NEGR1: variants seen among roughly 807,000 people sequenced by gnomAD.
The protein encoded by NEGR1 is IgLON family member 4.
NEGR1 carries 10 observed loss-of-function variants against 40.9 expected under a neutral mutation model. That is an observed-to-expected ratio of 0.24 (90% CI 0.15 to 0.42). The LOEUF is 0.42. NEGR1 is among the 10% of genes least tolerant of loss of function. NEGR1 has a pLI of 1.00. For missense variants in NEGR1, 352 were observed against 438.9 expected (o/e 0.80, Z 1.77); for synonymous variants, 185 against 166.8 (o/e 1.11, Z -0.84).
intron 2 of NEGR1, among the ~76,000 whole-genome samples, chr1:71,799,725 T>C (rs1657484976): frequency 6.6e-6 from 1 of 152,060 alleles, no homozygotes; most frequent in Admixed American, 6.6e-5. Context: ...TGACTTTTTT[T>C]TTTTTGAGAT....
chr1:72,114,134 G>A (rs772730802), intron 1 of NEGR1, among the ~76,000 whole-genome samples: 1 of 151,612 alleles, frequency 6.6e-6, no homozygotes, highest in Non-Finnish European at 1.5e-5. Flanking sequence ...TGTATATTTG[G>A]TCAAACGTGA....
At chr1:72,233,786 T>G (rs1654459235) in intron 1 of NEGR1, among the ~76,000 whole-genome samples, 1 of 152,070 alleles carries the variant, frequency 6.6e-6, no homozygotes, top group African/African-American at 2.4e-5. Context: ...GTAGAATGAT[T>G]TAGTTCCCTT....
At chr1:71,840,594 T>C (rs1659202992) in intron 2 of NEGR1, among the ~76,000 whole-genome samples, 1 of 152,178 alleles carries the variant, frequency 6.6e-6, no homozygotes, top group Non-Finnish European at 1.5e-5. Context: ...TTCACTCTAC[T>C]ATATAAAAGT....
chr1:71,784,987 T>C (rs1656859190), intron 2 of NEGR1, among the ~76,000 whole-genome samples: 1 of 152,204 alleles, frequency 6.6e-6, no homozygotes, highest in Admixed American at 6.5e-5. Context: ...GTTTCAATAT[T>C]TTGGACTGTA....
At chr1:71,766,070 A>T (rs1332006166) in intron 3 of NEGR1, among the ~76,000 whole-genome samples, 1 of 151,444 alleles carries the variant, frequency 6.6e-6, no homozygotes, top group Admixed American at 6.6e-5. Context: ...GCTACTCGGG[A>T]GGCTGAGGCA....
At chr1:72,242,146 CTTG>C (rs961560240) in intron 1 of NEGR1, among the ~76,000 whole-genome samples, 1 of 151,588 alleles carries the variant, frequency 6.6e-6, no homozygotes, top group African/African-American at 2.4e-5. Context: ...AATTATTATT[CTTG>C]TTATGTTGCA....
chr1:71,476,303 C>T (rs555139211), intron 6 of NEGR1, among the ~76,000 whole-genome samples: 51 of 152,190 alleles, frequency 3.4e-4, no homozygotes, highest in African/African-American at 1.2e-3. Flanking sequence ...TTTCTACCTT[C>T]AACTGTCATT....
chr1:71,501,566 T>C (rs995418076), intron 6 of NEGR1, among the ~76,000 whole-genome samples: 6 of 152,176 alleles, frequency 3.9e-5, no homozygotes, highest in Non-Finnish European at 7.4e-5. Flanking sequence ...AATTTTAGTT[T>C]ACCTATCTGT....
chr1:71,546,656 A>G (rs1647907199), intron 6 of NEGR1, among the ~76,000 whole-genome samples: 1 of 151,682 alleles, frequency 6.6e-6, no homozygotes, highest in Non-Finnish European at 1.5e-5. Context: ...AACTAGGCAT[A>G]TGGAAACTGA....
At position 71,527,109 on chromosome 1, in the gene NEGR1, T is replaced by C. The variant is rs1485538090; in HGVS notation, c.940+65708A>G. On this transcript the variant is annotated intron_variant, in intron 6 of 6. Transcript: ENST00000357731. ...GAGTGCATTACACATATTTCTCTTA[T>C]AGCACATATTGTATTACATAAATCT... Among the ~76,000 whole-genome samples, 5 of 151,684 alleles carry C rather than the reference T, an allele frequency of 3.3e-5. 1 individual carries two copies. The highest frequency in any genetic ancestry group is 2.1e-4 in the South Asian group (1 of 4,830).
intron 6 of NEGR1, among the ~76,000 whole-genome samples, chr1:71,533,563 A>G (rs1647423255): frequency 6.6e-6 from 1 of 151,684 alleles, no homozygotes; most frequent in Admixed American, 6.6e-5. Context: ...TACCTGGAAT[A>G]TATTTGTGTG....
At chr1:71,991,578 T>A (rs1011889653) in intron 1 of NEGR1, among the ~76,000 whole-genome samples, 1 of 152,180 alleles carries the variant, frequency 6.6e-6, no homozygotes, top group African/African-American at 2.4e-5. Context: ...GAAAGACTCG[T>A]GATCTCTGCA....
At chr1:71,743,915 G>A (rs1655297343) in intron 3 of NEGR1, among the ~76,000 whole-genome samples, 1 of 152,116 alleles carries the variant, frequency 6.6e-6, no homozygotes, top group Non-Finnish European at 1.5e-5. Context: ...ACAGGGAATT[G>A]CTTATAAAAT....
At chr1:71,727,864 G>A (rs906272857) in intron 3 of NEGR1, among the ~76,000 whole-genome samples, 3 of 152,128 alleles carry the variant, frequency 2.0e-5, no homozygotes, top group African/African-American at 4.8e-5. Flanking sequence ...AAAGAACAGT[G>A]AGAAATGCCT....
At chr1:71,507,727 A>G (rs769434811) in intron 6 of NEGR1, among the ~76,000 whole-genome samples, 24 of 152,190 alleles carry the variant, frequency 1.6e-4, no homozygotes, top group Non-Finnish European at 3.2e-4. Flanking sequence ...GAAAAATATT[A>G]ATTTGGAAAA....
At chr1:72,264,028 A>T (rs1655555416) in intron 1 of NEGR1, among the ~76,000 whole-genome samples, 1 of 151,450 alleles carries the variant, frequency 6.6e-6, no homozygotes, top group Non-Finnish European at 1.5e-5. Flanking sequence ...AATTAGAGGT[A>T]TCACTAACTA....
intron 1 of NEGR1, among the ~76,000 whole-genome samples, chr1:72,262,507 T>C (rs1006079544): frequency 6.6e-6 from 1 of 152,126 alleles, no homozygotes; most frequent in East Asian, 1.9e-4. Flanking sequence ...TAATAAGCTT[T>C]TGAGGACAAG....
At position 72,093,651 on chromosome 1, in the gene NEGR1, CT is replaced by C. The variant is rs35995024; in HGVS notation, c.177-158341del. Reference sequence around the variant, plus strand: ...ATTGTATTATATTGGTGATGTGCTTCTTTTTTTTAACCTAGAAATATGTTCA... The same window carrying C: ...ATTGTATTATATTGGTGATGTGCTTCTTTTTTTAACCTAGAAATATGTTCA... On this transcript the variant is annotated intron_variant, in intron 1 of 6. Transcript: ENST00000357731. Among the ~76,000 whole-genome samples the C allele has an allele frequency of 4.1e-4, 62 of 152,006 alleles. No individual in the cohort carries two copies. The South Asian group carries it at 8.9e-3, about 22-fold the overall frequency.
At chr1:71,657,552 C>CA (rs1036113715) in intron 4 of NEGR1, among the ~76,000 whole-genome samples, 7 of 151,756 alleles carry the variant, frequency 4.6e-5, no homozygotes, top group Admixed American at 6.6e-5. Flanking sequence ...AATTTAGAAA[C>CA]AAAAAAATCA....
Sources: gnomAD v4.1 joint callset for allele counts (sites outside exome capture counted in the v4.1 genomes callset) on GRCh38, gnomAD v4.1.1 for gene constraint, MANE v1.5 for transcripts, NCBI Gene and HGNC (gene_info 2026-07-23, HGNC 2026-07-21) for gene names.